The following TGFA variants were observed in gnomAD, a reference collection of about 807,000 sequenced individuals.
TGFA encodes transforming growth factor alpha, also known as protransforming growth factor alpha.
TGFA carries 12 observed loss-of-function variants against 21.7 expected under a neutral mutation model. The ratio of observed to expected loss-of-function variants is 0.55; its 90% CI spans 0.35 to 0.90. TGFA has a LOEUF of 0.90. TGFA is among the 40% of genes least tolerant of loss of function. TGFA has a pLI of 0.01. For synonymous variants in TGFA, 79 were observed against 88.1 expected, an observed-to-expected ratio of 0.90 and a Z score of 0.58; for missense variants, 178 against 210.8, an observed-to-expected ratio of 0.84 and a Z score of 0.96.
At chr2:70,525,554 C>A (rs962782137) in intron 1 of TGFA, among the ~76,000 whole-genome samples, 2 of 152,176 alleles carry the variant, frequency 1.3e-5, no homozygotes, top group Admixed American at 1.3e-4. Flanking sequence ...ATTTCTCAAC[C>A]CACATCACAC....
chr2:70,489,490 G>A (rs1407444927), intron 2 of TGFA, among the ~76,000 whole-genome samples: 3 of 152,158 alleles, frequency 2.0e-5, no homozygotes, highest in East Asian at 3.9e-4. Context: ...AGGCGGGGGC[G>A]CCCCAGTCTC....
intron 1 of TGFA, among the ~76,000 whole-genome samples, chr2:70,519,271 T>G (rs1224060389): frequency 6.6e-6 from 1 of 152,114 alleles, no homozygotes; most frequent in Non-Finnish European, 1.5e-5. Context: ...GGGAGAGGTC[T>G]GCAAAGGCTC....
At chr2:70,516,821 G>A (rs1034013667) in intron 1 of TGFA, among the ~76,000 whole-genome samples, 1 of 152,258 alleles carries the variant, frequency 6.6e-6, no homozygotes, top group Non-Finnish European at 1.5e-5. Context: ...GGATGACACC[G>A]GGGATGCTTT....
At chr2:70,482,292 A>G (rs964040161) in intron 2 of TGFA, among the ~76,000 whole-genome samples, 1 of 152,206 alleles carries the variant, frequency 6.6e-6, no homozygotes, top group Non-Finnish European at 1.5e-5. Flanking sequence ...TATTCTATCC[A>G]TTTTACAGAT....
intron 3 of TGFA, among the ~76,000 whole-genome samples, chr2:70,458,170 A>G (rs1199019619): frequency 6.6e-6 from 1 of 152,168 alleles, no homozygotes; most frequent in Non-Finnish European, 1.5e-5. Context: ...GTCAAGAAAC[A>G]GCTCTCCCTG....
rs11420392 is a variant in TGFA, at chr2:70,539,405, A to AG, written c.40+14322_40+14323insC. On this transcript the variant is annotated intron_variant, in intron 1 of 5. Transcript: ENST00000295400. ...AAGCAATCCAATGGAAGAAAAAAAAATCACAATTTACATAAAGCCTTATCT... is the reference window on the plus strand; with the variant it reads ...AAGCAATCCAATGGAAGAAAAAAAAAGTCACAATTTACATAAAGCCTTATCT... Among the ~76,000 whole-genome samples the AG allele has an allele frequency of 1.5e-3, 225 of 151,940 alleles. 1 individual carries two copies. Among genetic ancestry groups the AG allele is most frequent in the African/African-American group, 5.1e-3 (213 of 41,438 alleles).
At chr2:70,547,368 C>T (rs1228437027) in intron 1 of TGFA, among the ~76,000 whole-genome samples, 2 of 151,838 alleles carry the variant, frequency 1.3e-5, no homozygotes, top group Non-Finnish European at 2.9e-5. Flanking sequence ...CCGAGGCGGG[C>T]AGATTGCCTG....
At chr2:70,527,139 A>C (rs1343506499) in intron 1 of TGFA, among the ~76,000 whole-genome samples, 4 of 152,364 alleles carry the variant, frequency 2.6e-5, no homozygotes, top group African/African-American at 9.6e-5. Flanking sequence ...TCAAAGAAAA[A>C]TCTGCATATA....
chr2:70,480,837 C>T (rs1671094848), intron 2 of TGFA, among the ~76,000 whole-genome samples: 1 of 151,026 alleles, frequency 6.6e-6, no homozygotes. Context: ...CAAGGTGTGC[C>T]AGGATTCCCC....
At chr2:70,513,851 A>G (rs1672180565) in intron 2 of TGFA, among the ~76,000 whole-genome samples, 1 of 152,194 alleles carries the variant, frequency 6.6e-6, no homozygotes, top group South Asian at 2.1e-4. Flanking sequence ...AGCAGAAGTT[A>G]CTGAAACACA....
intron 2 of TGFA, among the ~76,000 whole-genome samples, chr2:70,497,259 T>C (rs1316386209): frequency 2.6e-5 from 4 of 152,240 alleles, no homozygotes; most frequent in Admixed American, 2.0e-4. Flanking sequence ...TATGTTACTA[T>C]GTATGTTCTT....
intron 2 of TGFA, among the ~76,000 whole-genome samples, chr2:70,471,533 G>C (rs1216509731): frequency 6.6e-6 from 1 of 152,180 alleles, no homozygotes. Context: ...TCTCATTTGA[G>C]GGCCTTTAAA....
chr2:70,457,596 C>T (rs1553490799), intron 3 of TGFA, among the ~76,000 whole-genome samples: 2 of 149,916 alleles, frequency 1.3e-5, no homozygotes, highest in African/African-American at 4.9e-5. Context: ...GCCTGGAGTG[C>T]AGTGGCGGGA....
chr2:70,515,812 T>C (rs1180637198), intron 1 of TGFA, among the ~76,000 whole-genome samples: 4 of 152,128 alleles, frequency 2.6e-5, no homozygotes, highest in Admixed American at 1.3e-4. Flanking sequence ...AGGGAGATAT[T>C]AATAAGCAGG....
intron 3 of TGFA, among the ~76,000 whole-genome samples, chr2:70,464,924 C>T (rs897499985): frequency 2.6e-5 from 4 of 152,190 alleles, no homozygotes; most frequent in African/African-American, 4.8e-5. Context: ...AAGCTTTCTT[C>T]GAGTGAATTT....
At chr2:70,482,038 A>G (rs1212284507) in intron 2 of TGFA, among the ~76,000 whole-genome samples, 3 of 152,204 alleles carry the variant, frequency 2.0e-5, no homozygotes, top group Non-Finnish European at 4.4e-5. Context: ...AATAAATAAC[A>G]TACACTTTGA....
intron 2 of TGFA, among the ~76,000 whole-genome samples, chr2:70,513,488 T>C (rs1239161073): frequency 1.3e-5 from 2 of 152,190 alleles, no homozygotes; most frequent in Non-Finnish European, 2.9e-5. Flanking sequence ...TGGACACACT[T>C]ACACCTTTCC....
At chr2:70,551,671 A>C (rs1553506851) in intron 1 of TGFA, among the ~76,000 whole-genome samples, 1 of 152,142 alleles carries the variant, frequency 6.6e-6, no homozygotes, top group African/African-American at 2.4e-5. Context: ...ACATATAAAT[A>C]AAAAGGAGTC....
intron 3 of TGFA, among the ~76,000 whole-genome samples, chr2:70,463,866 C>G (rs1670473538): frequency 6.6e-6 from 1 of 152,094 alleles, no homozygotes; most frequent in African/African-American, 2.4e-5. Flanking sequence ...CCCAGGGGCC[C>G]CTAGTATGTT....
Sources: gnomAD v4.1 joint callset for allele counts (sites outside exome capture counted in the v4.1 genomes callset) on GRCh38, gnomAD v4.1.1 for gene constraint, MANE v1.5 for transcripts, NCBI Gene and HGNC (gene_info 2026-07-23, HGNC 2026-07-21) for gene names.